The following MYL6 variants were observed in gnomAD, a reference collection of about 807,000 sequenced individuals.
MYL6 encodes myosin light polypeptide 6.
A neutral mutation model predicts 20.3 loss-of-function variants in MYL6; 20 were observed. The observed-to-expected ratio is 0.98, with a 90% CI of 0.69 to 1.43. The LOEUF (loss-of-function observed/expected upper bound fraction) is 1.43. Ranked by LOEUF, MYL6 falls within the 40% of genes most tolerant of loss-of-function variation. MYL6 has a pLI of 0.00. For missense variants in MYL6, 164 were observed against 191.0 expected (o/e 0.86, Z 0.83); for synonymous variants, 77 against 72.4 (o/e 1.06, Z -0.32).
At position 56,160,651 on chromosome 12, in the gene MYL6, GTGACGGGCC is replaced by G; in HGVS notation, c.454_*6del. On this transcript the variant is annotated stop_lost and 3_prime_UTR_variant, in exon 6 of 7. Coordinates refer to ENST00000550697, the MANE Select transcript of MYL6 (RefSeq NM_021019.5). ...CGTTTGTGAGGCATATCCTGTCGGGGTGACGGGCCCATGGGGCGGGTACGGCTCCTCCCA... is the reference window on the plus strand; with the variant it reads ...CGTTTGTGAGGCATATCCTGTCGGGGCATGGGGCGGGTACGGCTCCTCCCA... The G allele has an allele frequency of 6.2e-7, 1 of 1,614,166 alleles. No individual in the cohort carries two copies. Among genetic ancestry groups the G allele is most frequent in the Middle Eastern group, 1.6e-4 (1 of 6,062 alleles).
intron 2 of MYL6, chr12:56,158,952 AACTTGGTC>A: frequency 2.9e-6 from 4 of 1,397,464 alleles, no homozygotes; most frequent in Non-Finnish European, 3.7e-6. Context: ...TATGTGAAAA[AACTTGGTC>A]ACTTAATGCC....
intron 2 of MYL6, 148 bp from the exon 3 acceptor site, chr12:56,159,439 T>C: frequency 9.5e-7 from 1 of 1,057,248 alleles, no homozygotes; most frequent in Non-Finnish European, 1.4e-6. Context: ...GGAAGAGAAA[T>C]AGAGCCCTCT....
At position 56,159,856 on chromosome 12, in the gene MYL6, C is replaced by T. The variant is rs1871609687; in HGVS notation, c.176-119C>T. Reference sequence around the variant, plus strand: ...CTGGATTAGCAAATCCCATGGATTTCCTTGCTTTTAGTGGGGAGTCATCTG... The same window carrying T: ...CTGGATTAGCAAATCCCATGGATTTTCTTGCTTTTAGTGGGGAGTCATCTG... On this transcript the variant is annotated intron_variant, in intron 3 of 6. Coordinates refer to ENST00000550697, the MANE Select transcript of MYL6 (RefSeq NM_021019.5). The T allele has an allele frequency of 7.2e-6, 11 of 1,524,044 alleles. No individual in the cohort carries two copies. In the South Asian group the frequency reaches 1.3e-4, roughly 18 times the overall value. 94.4% of individuals were successfully genotyped at this position (1,524,044 alleles called of 1,614,324 possible).
rs1871592086 is a variant in MYL6, at chr12:56,159,658, G to A, written c.103G>A (p.Val35Met). 1 of 1,614,196 alleles carries A rather than the reference G, an allele frequency of 6.2e-7. No individual in the cohort carries two copies. The highest frequency in any genetic ancestry group is 8.5e-7 in the Non-Finnish European group (1 of 1,180,014). The change falls in exon 3 of 7, where the codon GTG (valine) becomes ATG (methionine). Residue 35 changes from valine to methionine, a missense_variant. By Grantham distance (21) the Val-to-Met change is conservative. Coordinates refer to ENST00000550697, the MANE Select transcript of MYL6 (RefSeq NM_021019.5). ...GATCCTGTACAGCCAGTGTGGGGAT[G>A]TGATGAGGGCCCTGGGCCAGAACCC... The part of the protein sequence containing the change: ...GKILYSQCGD[V>M]MRALGQNPTN...
At chr12:56,158,500 G>T in intron 1 of MYL6, 96 bp downstream of exon 1, 1 of 1,590,886 alleles carries the variant, frequency 6.3e-7, no homozygotes. Context: ...GGAGGCAAAG[G>T]GAATCTGAGG....
intron 2 of MYL6, 169 bp downstream of exon 2, chr12:56,158,880 C>T: frequency 6.9e-7 from 1 of 1,455,352 alleles, no homozygotes; most frequent in Non-Finnish European, 9.0e-7. Context: ...TCACTTTCTT[C>T]CTCCCTCCCC....
chr12:56,160,250 G>A lies in MYL6; in HGVS notation c.357G>A (p.Lys119=). Residue 119 remains lysine, a synonymous_variant, in exon 5 of 7, where the codon AAG becomes AAA. Coordinates refer to ENST00000550697, the MANE Select transcript of MYL6 (RefSeq NM_021019.5). ...IRHVLVTLGE[K]MTEEEVEMLV... is the part of the protein sequence containing the mutation. ...CTTTCTTTCCCCCTGCAGGTGAGAA[G>A]ATGACAGAGGAAGAAGTAGAGATGC... is the stretch of plus-strand genomic sequence containing the variant. 1 of 1,614,252 alleles carries A rather than the reference G, an allele frequency of 6.2e-7. No homozygotes were observed. The highest frequency in any genetic ancestry group is 8.5e-7 in the Non-Finnish European group (1 of 1,180,046).
Position 56,160,627 on chromosome 12 carries a change from G to C in MYL6, c.429G>C (p.Ala143=). The change falls in exon 6 of 7, where the codon GCG becomes GCC. Residue 143 remains alanine (A), a splice_region_variant and synonymous_variant. Coordinates refer to ENST00000550697, the MANE Select transcript of MYL6 (RefSeq NM_021019.5). ...EDSNGCINYE[A]FVRHILSG is the part of the protein sequence containing the mutation. ...ATGAATGTCTCTTCCTTCCTGCAGC[G>C]TTTGTGAGGCATATCCTGTCGGGGT... is the stretch of plus-strand genomic sequence containing the variant. The C allele has an allele frequency of 6.2e-7, 1 of 1,614,208 alleles. No individual in the cohort carries two copies.
chr12:56,160,707 C>T, intron 6 of MYL6, 37 bp downstream of exon 6: 1 of 1,605,852 alleles, frequency 6.2e-7, no homozygotes, highest in Non-Finnish European at 8.5e-7. Context: ...AGTTGATCTC[C>T]CCAGTGTTTC....
intron 2 of MYL6, 31 bp from the exon 3 acceptor site, chr12:56,159,556 A>G: frequency 6.2e-7 from 1 of 1,608,928 alleles, no homozygotes; most frequent in Non-Finnish European, 8.5e-7. Flanking sequence ...TAACCCTCAA[A>G]TCCTGTGTTG....
At chr12:56,159,193 C>T (rs1871541589) in intron 2 of MYL6, 1 of 279,278 alleles carries the variant, frequency 3.6e-6, no homozygotes, top group Admixed American at 4.9e-5. Context: ...TGGAAGTTCT[C>T]TTTATACTGG....
chr12:56,158,418 C>G lies in MYL6; in HGVS notation c.3+14C>G. On this transcript the variant is annotated intron_variant, in intron 1 of 6. Transcript: ENST00000550697. The stretch of plus-strand genomic sequence containing the variant: ...GCAGTCAAGATGGTGGGGCCCAGGT[C>G]TTGGGAGACGGGCAGGATTGGGGAC... The G allele has an allele frequency of 6.5e-7, 1 of 1,535,266 alleles. No homozygotes were observed. Among genetic ancestry groups the G allele is most frequent in the Non-Finnish European group, 8.7e-7 (1 of 1,143,992 alleles).
chr12:56,160,636 G>T lies in MYL6; in HGVS notation c.438G>T (p.Arg146Ser), dbSNP rs774580844. 6.2e-7 allele frequency: 1 copy of T among 1,614,162 alleles called. No individual in the cohort carries two copies. The highest frequency in any genetic ancestry group is 1.7e-5 in the Admixed American group (1 of 60,024). ...TCTTCCTTCCTGCAGCGTTTGTGAG[G>T]CATATCCTGTCGGGGTGACGGGCCC... ...NGCINYEAFVRHILSG is the reference protein window; with the variant it reads ...NGCINYEAFVSHILSG The change falls in exon 6 of 7, where the codon AGG (arginine) becomes AGT (serine). Residue 146 changes from arginine to serine, a missense_variant. Physicochemically the swap from Arg to Ser is moderately radical, Grantham distance 110. Transcript: ENST00000550697.
intron 2 of MYL6, 178 bp from the exon 3 acceptor site, chr12:56,159,409 A>AT (rs1871563802): frequency 1.2e-6 from 1 of 817,146 alleles, no homozygotes. Context: ...AAGCCTCTAT[A>AT]TAGAACACTT....
chr12:56,159,171 A>G, intron 2 of MYL6: 1 of 291,268 alleles, frequency 3.4e-6, no homozygotes, highest in Non-Finnish European at 6.4e-6. Context: ...ATATGACTGT[A>G]GCTATACCCT....
At chr12:56,158,770 A>G (rs886543194) in intron 2 of MYL6, 59 bp downstream of exon 2, 1 of 1,601,972 alleles carries the variant, frequency 6.2e-7, no homozygotes, top group South Asian at 1.1e-5. Flanking sequence ...CCCTCCCCCC[A>G]GCACCTATCC....
At chr12:56,158,492 AG>A in intron 1 of MYL6, 88 bp downstream of exon 1, 1 of 1,582,374 alleles carries the variant, frequency 6.3e-7, no homozygotes, top group Non-Finnish European at 8.6e-7. Flanking sequence ...CAGGGGTAGG[AG>A]GCAAAGGGAA....
At chr12:56,159,903 G>A in intron 3 of MYL6, 72 bp from the exon 4 acceptor site, 4 of 1,542,790 alleles carry the variant, frequency 2.6e-6, no homozygotes, top group Non-Finnish European at 2.6e-6. Flanking sequence ...TTCAGTTGAG[G>A]TCTCTATAAT....
chr12:56,158,988 CGGGA>C lies in MYL6; in HGVS notation c.31+281_31+284del, dbSNP rs1871524192. ...TTAATGCCTGCTGTGTGTGGGGTCT[CGGGA>C]GGGTGTATAAAGCTGCCTGCTTTCC... On this transcript the variant is annotated intron_variant, in intron 2 of 6. Coordinates refer to ENST00000550697, the MANE Select transcript of MYL6 (RefSeq NM_021019.5). 8 of 1,334,610 alleles carry C rather than the reference CGGGA, an allele frequency of 6.0e-6. No homozygotes were observed. In the South Asian group the frequency reaches 1.2e-4, roughly 20 times the overall value. The allele number at this position is 1,334,610 out of a possible 1,614,324, so 82.7% of individuals were successfully genotyped here.
Sources: gnomAD v4.1 joint callset for allele counts on GRCh38, gnomAD v4.1.1 for gene constraint, MANE v1.5 for transcripts, NCBI Gene and HGNC (gene_info 2026-07-23, HGNC 2026-07-21) for gene names.